CTNNA2: variants seen among roughly 807,000 people sequenced by gnomAD.
CTNNA2 encodes the protein catenin alpha 2, also known as catenin alpha-2.
A neutral mutation model predicts 101.0 loss-of-function variants in CTNNA2; 42 were observed. The observed-to-expected ratio is 0.42, with a 90% CI of 0.32 to 0.54. The LOEUF is 0.54. Among genes scored for constraint, CTNNA2 ranks in the 20% least tolerant of loss-of-function variants. The pLI, the probability that CTNNA2 is intolerant of heterozygous loss-of-function variation, is 0.14. For missense variants in CTNNA2, 871 were observed against 1,223.1 expected (o/e 0.71, Z 4.29); for synonymous variants, 450 against 456.4 (o/e 0.99, Z 0.18).
intron 7 of CTNNA2, among the ~76,000 whole-genome samples, chr2:80,323,834 A>C (rs1678965658): frequency 6.6e-6 from 1 of 152,204 alleles, no homozygotes; most frequent in African/African-American, 2.4e-5. Context: ...TGGGTGGAGC[A>C]GGATATTCCA....
chr2:79,731,062 A>G (rs904977636), intron 2 of CTNNA2, among the ~76,000 whole-genome samples: 2 of 152,058 alleles, frequency 1.3e-5, no homozygotes, highest in African/African-American at 4.8e-5. Context: ...TTTTAAGGTC[A>G]GTGTCACTTA....
intron 8 of CTNNA2, 46 bp downstream of exon 8, chr2:80,393,337 G>T: frequency 7.4e-7 from 1 of 1,357,506 alleles, no homozygotes; most frequent in Non-Finnish European, 1.0e-6. Context: ...TTCAGTAGTG[G>T]TTTCCAACAA....
chr2:80,303,948 T>G lies in CTNNA2; in HGVS notation c.1057-89263T>G. The G allele has an allele frequency of 8.9e-7, 1 of 1,121,590 alleles. No homozygotes were observed. Among genetic ancestry groups the G allele is most frequent in the Non-Finnish European group, 1.2e-6 (1 of 831,236 alleles). 69.5% of individuals were successfully genotyped at this position (1,121,590 alleles called of 1,614,324 possible). A position where few individuals can be genotyped will look rare whatever the true frequency, so the allele number is the denominator to read the frequency against. ...AGAAAAGGGCAAAAAATCAAATAAA[T>G]ACATAGAAATAAAGAAGGACCCCCC... On this transcript the variant is annotated intron_variant, in intron 7 of 18. Transcript: ENST00000402739. The surrounding 1 kb of genome is among the most constrained non-coding windows in gnomAD (Gnocchi z 7.7).
intron 4 of CTNNA2, among the ~76,000 whole-genome samples, chr2:79,489,187 G>A (rs1671186230): frequency 6.6e-6 from 1 of 151,858 alleles, no homozygotes; most frequent in Non-Finnish European, 1.5e-5. Context: ...TTTTCTCAAT[G>A]TGATTTCTGT....
intron 3 of CTNNA2, among the ~76,000 whole-genome samples, chr2:79,813,567 T>C (rs1019385548): frequency 3.0e-4 from 45 of 152,166 alleles, no homozygotes; most frequent in Non-Finnish European, 5.6e-4. Flanking sequence ...TTCAATTCAA[T>C]TTGGGATGTG....
intron 2 of CTNNA2, among the ~76,000 whole-genome samples, chr2:79,254,696 C>T (rs901181837): frequency 6.6e-6 from 1 of 152,128 alleles, no homozygotes; most frequent in Non-Finnish European, 1.5e-5. Flanking sequence ...GACTAGTAAG[C>T]AAGCCCATGA....
chr2:80,604,075 G>A lies in CTNNA2; in HGVS notation c.2191G>A (p.Gly731Ser). 6.2e-7 allele frequency: 1 copy of A among 1,612,344 alleles called. No homozygotes were observed. Among genetic ancestry groups the A allele is most frequent in the Non-Finnish European group, 8.5e-7 (1 of 1,178,998 alleles). ...IMMEMTDFTRGKGPLKNTSDV... is the reference protein window; with the variant it reads ...IMMEMTDFTRSKGPLKNTSDV... ...ATTATGTTGTATATGTTGTTTCAGAGGCAAAGGCCCATTGAAAAATACATC... is the reference window on the plus strand; with the variant it reads ...ATTATGTTGTATATGTTGTTTCAGAAGCAAAGGCCCATTGAAAAATACATC... Residue 731 changes from glycine (G) to serine (S), a missense_variant and splice_region_variant, in exon 16 of 19, where the codon GGC (glycine) becomes AGC (serine). Transcript: ENST00000402739.
At position 79,950,609 on chromosome 2, in the gene CTNNA2, G is replaced by A. The variant is rs190650469; in HGVS notation, c.1056+40812G>A. On this transcript the variant is annotated intron_variant, in intron 7 of 18. Coordinates refer to ENST00000402739, the MANE Select transcript of CTNNA2 (RefSeq NM_001282597.3). ...GATTTGCTAACATATTATACCCTTC[G>A]ATTTTCAGCAACCAGTGTTTTATAG... 2.1e-3 allele frequency among the ~76,000 whole-genome samples: 314 copies of A among 152,252 alleles called. 4 individuals carry two copies. The highest frequency in any genetic ancestry group is 3.1e-3 in the Non-Finnish European group (208 of 68,020).
chr2:80,647,102 TCCAAGCTCA>T (rs1483146238), intron 18 of CTNNA2, among the ~76,000 whole-genome samples: 3 of 152,058 alleles, frequency 2.0e-5, no homozygotes, highest in Admixed American at 6.6e-5. Context: ...AAATTGATAC[TCCAAGCTCA>T]ATTAACACCT....
intron 9 of CTNNA2, among the ~76,000 whole-genome samples, chr2:80,488,135 T>G (rs1686744539): frequency 6.6e-6 from 1 of 152,194 alleles, no homozygotes; most frequent in Non-Finnish European, 1.5e-5. Context: ...GATCCTCTTT[T>G]GATGAGTGAA....
intron 7 of CTNNA2, among the ~76,000 whole-genome samples, chr2:80,366,439 T>A (rs1028432968): frequency 2.0e-5 from 3 of 152,132 alleles, no homozygotes; most frequent in African/African-American, 7.2e-5. Context: ...CATGCATTTG[T>A]TTGTATAAAG....
At chr2:79,858,434 C>T (rs932311001) in intron 4 of CTNNA2, among the ~76,000 whole-genome samples, 1 of 151,958 alleles carries the variant, frequency 6.6e-6, no homozygotes, top group Non-Finnish European at 1.5e-5. Flanking sequence ...TCCTTACTTC[C>T]TGGAATGTGT....
intron 2 of CTNNA2, among the ~76,000 whole-genome samples, chr2:79,704,344 G>C (rs6547263): frequency 0.035 from 5,297 of 152,136 alleles, 307 homozygotes; most frequent in African/African-American, 0.12. Context: ...GTGGGTGAAA[G>C]AAAATATATT....
chr2:79,627,265 A>G (rs1201437849), intron 1 of CTNNA2, among the ~76,000 whole-genome samples: 1 of 152,232 alleles, frequency 6.6e-6, no homozygotes, highest in Non-Finnish European at 1.5e-5. Flanking sequence ...ATGCTTCTTC[A>G]GTTATTTCTA....
chr2:80,197,511 A>G (rs1472446735), intron 7 of CTNNA2, among the ~76,000 whole-genome samples: 3 of 152,234 alleles, frequency 2.0e-5, no homozygotes, highest in Non-Finnish European at 2.9e-5. Flanking sequence ...GATGATAAAC[A>G]TGTAGTGATT....
At chr2:80,305,419 T>C in intron 7 of CTNNA2, 1 of 975,504 alleles carries the variant, frequency 1.0e-6, no homozygotes, top group Non-Finnish European at 1.2e-6. Flanking sequence ...TAAAGAACGA[T>C]TGTACTGTCT....
At chr2:79,830,899 T>C (rs1278375480) in intron 3 of CTNNA2, among the ~76,000 whole-genome samples, 1 of 152,208 alleles carries the variant, frequency 6.6e-6, no homozygotes, top group African/African-American at 2.4e-5. Flanking sequence ...AAAACTAAGC[T>C]TGGTGTAATG....
chr2:80,137,587 AG>A (rs1289351033), intron 7 of CTNNA2, among the ~76,000 whole-genome samples: 1 of 152,104 alleles, frequency 6.6e-6, no homozygotes, highest in African/African-American at 2.4e-5. Flanking sequence ...AACTAATGAA[AG>A]GCTAGTTAAG....
Position 79,309,040 on chromosome 2 carries a change from A to G in CTNNA2, c.-405-3669A>G, listed in dbSNP as rs546771171. Reference sequence around the variant, plus strand: ...CTTTATCAAACAGGAAGTTTTATATATATGAGTATATTTTTGTATTCTCCA... The same window carrying G: ...CTTTATCAAACAGGAAGTTTTATATGTATGAGTATATTTTTGTATTCTCCA... On this transcript the variant is annotated intron_variant, in intron 2 of 21. Coordinates refer to the CTNNA2 transcript ENST00000466387. Among the ~76,000 whole-genome samples the G allele has an allele frequency of 1.1e-3, 164 of 152,178 alleles. 1 individual carries two copies. Among genetic ancestry groups the G allele is most frequent in the African/African-American group, 3.5e-3 (144 of 41,550 alleles).
Sources: gnomAD v4.1 joint callset for allele counts (sites outside exome capture counted in the v4.1 genomes callset) on GRCh38, gnomAD v4.1.1 for gene constraint, Gnocchi (gnomAD v3.1) non-coding constraint, MANE v1.5 for transcripts, NCBI Gene and HGNC (gene_info 2026-07-23, HGNC 2026-07-21) for gene names.